Variants in ITGBL1 observed in about 807,000 individuals in gnomAD.
ITGBL1 encodes the protein integrin beta-like protein 1.
ITGBL1 carries 51 observed loss-of-function variants against 68.5 expected under a neutral mutation model. The ratio of observed to expected loss-of-function variants is 0.74; its 90% CI spans 0.59 to 0.94. ITGBL1 has a LOEUF of 0.94. Ranked by LOEUF, ITGBL1 falls within the 40% of genes least tolerant of loss-of-function variation. ITGBL1 has a pLI of 0.00. For missense variants in ITGBL1, 649 were observed against 647.4 expected (o/e 1.00, Z -0.03); for synonymous variants, 209 against 227.3 (o/e 0.92, Z 0.72).
intron 10 of ITGBL1, 156 bp from the exon 11 acceptor site, chr13:101,715,407 C>T: frequency 1.5e-6 from 1 of 645,516 alleles, no homozygotes; most frequent in Non-Finnish European, 2.8e-6. Flanking sequence ...CTCGCAGCTG[C>T]TTAATAAGAT....
At chr13:101,719,765 C>T (rs573744526), downstream of ITGBL1, 1 of 152,006 alleles carries the variant, frequency 6.6e-6, no homozygotes, top group Admixed American at 6.6e-5. Flanking sequence ...AGGTACAAAA[C>T]ACACAGTCTA....
At chr13:101,545,524 C>G (rs1256194301) in intron 2 of ITGBL1, among the ~76,000 whole-genome samples, 2 of 152,024 alleles carry the variant, frequency 1.3e-5, no homozygotes, top group African/African-American at 4.8e-5. Context: ...TTCAAGATTA[C>G]TTGTTGAAAA....
At position 101,598,372 on chromosome 13, in the gene ITGBL1, TTTTG is replaced by T. The variant is rs369647490; in HGVS notation, c.1015+89_1015+92del. ...AAATGAATTCAATGCACACACATCT[TTTTG>T]TTTGTTTGTTTGTTTTTTGTTTTCT... On this transcript the variant is annotated intron_variant, in intron 7 of 10. Transcript: ENST00000376180. 75 of 1,182,648 alleles carry T rather than the reference TTTTG, an allele frequency of 6.3e-5. 1 individual carries two copies. Among genetic ancestry groups the T allele is most frequent in the African/African-American group, 3.6e-4 (23 of 63,120 alleles). 73.3% of individuals were successfully genotyped at this position (1,182,648 alleles called of 1,614,324 possible). A position where few individuals can be genotyped will look rare whatever the true frequency, so the allele number is the denominator to read the frequency against.
At chr13:101,558,974 T>C (rs557359748) in intron 2 of ITGBL1, among the ~76,000 whole-genome samples, 1 of 152,308 alleles carries the variant, frequency 6.6e-6, no homozygotes, top group East Asian at 1.9e-4. Context: ...TGTTTGACTT[T>C]ATAAAATTTT....
At chr13:101,595,394 C>A (rs1487768622) in intron 6 of ITGBL1, among the ~76,000 whole-genome samples, 1 of 152,150 alleles carries the variant, frequency 6.6e-6, no homozygotes, top group Non-Finnish European at 1.5e-5. Flanking sequence ...CCCCCATAGT[C>A]AAAACACCTC....
At chr13:101,520,337 C>T (rs1237142236) in intron 2 of ITGBL1, among the ~76,000 whole-genome samples, 1 of 152,046 alleles carries the variant, frequency 6.6e-6, no homozygotes, top group Non-Finnish European at 1.5e-5. Context: ...CTTTTTTTAA[C>T]CAATTATTAG....
At chr13:101,650,905 G>C (rs2032729990) in intron 7 of ITGBL1, among the ~76,000 whole-genome samples, 1 of 152,096 alleles carries the variant, frequency 6.6e-6, no homozygotes, top group South Asian at 2.1e-4. Flanking sequence ...TGCAGTGTTT[G>C]GTTTTCTGTT....
chr13:101,511,815 T>C (rs1470195799), intron 2 of ITGBL1, among the ~76,000 whole-genome samples: 1 of 152,112 alleles, frequency 6.6e-6, no homozygotes, highest in Non-Finnish European at 1.5e-5. Flanking sequence ...CCCACCTAAG[T>C]TGTGCCCAGA....
intron 2 of ITGBL1, among the ~76,000 whole-genome samples, chr13:101,489,254 A>T (rs1453538684): frequency 3.3e-5 from 5 of 152,216 alleles, no homozygotes; most frequent in Non-Finnish European, 1.5e-5. Flanking sequence ...CTGGCATTCC[A>T]GTCTCTTCTA....
At chr13:101,479,984 G>T (rs2048594005) in intron 2 of ITGBL1, among the ~76,000 whole-genome samples, 1 of 152,000 alleles carries the variant, frequency 6.6e-6, no homozygotes, top group South Asian at 2.1e-4. Context: ...GAAAAGAAAA[G>T]AAATCAGGGT....
intron 7 of ITGBL1, among the ~76,000 whole-genome samples, chr13:101,601,035 C>G (rs2030341246): frequency 6.6e-6 from 1 of 152,146 alleles, no homozygotes; most frequent in African/African-American, 2.4e-5. Context: ...CCTTGTACCT[C>G]TGGTAGAATT....
intron 7 of ITGBL1, among the ~76,000 whole-genome samples, chr13:101,632,149 C>CTA (rs957458892): frequency 0.013 from 1,845 of 141,572 alleles, 35 homozygotes; most frequent in African/African-American, 0.043. Context: ...CTCTCTCTCT[C>CTA]TATATATATA....
In ITGBL1 at chr13:101,526,156, T is replaced by TTCTTC. The variant is rs1555356283; in HGVS notation, c.317-41542_317-41541insCTTCT. 5.7e-3 allele frequency among the ~76,000 whole-genome samples: 56 copies of TTCTTC among 9,884 alleles called. No homozygotes were observed. The South Asian group carries it at 0.059, about 10-fold the overall frequency. 6.5% of individuals were successfully genotyped at this position (9,884 alleles called of 152,430 possible). On this transcript the variant is annotated intron_variant, in intron 2 of 10. Coordinates refer to ENST00000376180, the MANE Select transcript of ITGBL1 (RefSeq NM_004791.3). ...TAGTTTCTTCTTCTTCTTCTTCTTC[T>TTCTTC]TTTTTTTTTTTTTAAATACTTTAAG...
chr13:101,564,017 A>G (rs971100882), intron 2 of ITGBL1, among the ~76,000 whole-genome samples: 2 of 151,902 alleles, frequency 1.3e-5, no homozygotes, highest in African/African-American at 4.8e-5. Flanking sequence ...AAATCAACCA[A>G]TGTATTTCAC....
At position 101,604,887 on chromosome 13, in the gene ITGBL1, T is replaced by TATATATACAC; in HGVS notation, c.1015+6589_1015+6590insTATATACACA. Among the ~76,000 whole-genome samples the TATATATACAC allele has an allele frequency of 1.9e-3, 42 of 22,168 alleles. 4 individuals are homozygous for TATATATACAC. Among genetic ancestry groups the TATATATACAC allele is most frequent in the South Asian group, 0.013 (5 of 390 alleles). 14.5% of individuals were successfully genotyped at this position (22,168 alleles called of 152,430 possible). A position where few individuals can be genotyped will look rare whatever the true frequency, so the allele number is the denominator to read the frequency against. ...ATATATATATATATATATATATATA[T>TATATATACAC]ACACACACACACACATATATATGTG... On this transcript the variant is annotated intron_variant, in intron 7 of 10. Transcript: ENST00000376180.
downstream of ITGBL1, chr13:101,720,509 A>G (rs984448406): frequency 2.7e-4 from 41 of 150,092 alleles, no homozygotes; most frequent in African/African-American, 8.1e-4. Context: ...TATCAGTAAC[A>G]AATAGATGGG....
At chr13:101,479,950 C>G (rs1319810974) in intron 2 of ITGBL1, among the ~76,000 whole-genome samples, 1 of 152,046 alleles carries the variant, frequency 6.6e-6, no homozygotes, top group East Asian at 1.9e-4. Flanking sequence ...TATGATCAAG[C>G]AATCCCACTG....
intron 2 of ITGBL1, among the ~76,000 whole-genome samples, chr13:101,469,393 CA>C (rs2048426369): frequency 6.6e-6 from 1 of 152,082 alleles, no homozygotes; most frequent in African/African-American, 2.4e-5. Flanking sequence ...GTTAATACAC[CA>C]GTTGTTGCCA....
chr13:101,455,963 A>G (rs1357617080), intron 2 of ITGBL1, among the ~76,000 whole-genome samples: 1 of 152,140 alleles, frequency 6.6e-6, no homozygotes, highest in Non-Finnish European at 1.5e-5. Context: ...GTGTCGTCAG[A>G]TTCACTTTCC....
Sources: allele counts gnomAD v4.1 joint callset (sites outside exome capture counted in the v4.1 genomes callset), GRCh38; gene constraint gnomAD v4.1.1; transcripts MANE v1.5; gene names NCBI Gene and HGNC (gene_info 2026-07-23, HGNC 2026-07-21).